The following JARID2 variants were observed in gnomAD, a reference collection of about 807,000 sequenced individuals.
JARID2 encodes jumonji and AT-rich interaction domain containing 2.
JARID2 carries 21 observed loss-of-function variants against 125.6 expected under a neutral mutation model. That is an observed-to-expected ratio of 0.17 (90% CI 0.12 to 0.24). JARID2 has a LOEUF of 0.24. Ranked by LOEUF, JARID2 falls within the 10% of genes least tolerant of loss-of-function variation. JARID2 has a pLI of 1.00. For missense variants in JARID2, 1,303 were observed against 1,639.6 expected (o/e 0.79, Z 3.55); for synonymous variants, 736 against 661.6 (o/e 1.11, Z -1.73).
intron 5 of JARID2, among the ~76,000 whole-genome samples, chr6:15,475,200 G>A (rs944155384): frequency 2.0e-5 from 3 of 152,218 alleles, no homozygotes; most frequent in African/African-American, 7.2e-5. Flanking sequence ...AGTCATCAAA[G>A]GGAGTATTTA....
chr6:15,375,465 C>G (rs1041836246), intron 2 of JARID2, among the ~76,000 whole-genome samples: 4 of 152,114 alleles, frequency 2.6e-5, no homozygotes, highest in Non-Finnish European at 4.4e-5. Context: ...TGGGAAAGGC[C>G]CATTTTGAGT....
intron 3 of JARID2, among the ~76,000 whole-genome samples, chr6:15,433,216 A>T (rs1334487741): frequency 3.3e-5 from 5 of 152,222 alleles, no homozygotes; most frequent in Admixed American, 3.3e-4. Flanking sequence ...AAGAATTTTT[A>T]GGGCCAGGTA....
chr6:15,285,106 GTTTTTTTTTTTT>G (rs199945772), intron 1 of JARID2, among the ~76,000 whole-genome samples: 2 of 119,460 alleles, frequency 1.7e-5, no homozygotes, highest in Non-Finnish European at 3.4e-5. Flanking sequence ...GTCTTTCTGG[GTTTTTTTTTTTT>G]TTTTTTTTTG....
intron 1 of JARID2, among the ~76,000 whole-genome samples, chr6:15,349,480 G>A (rs905604350): frequency 1.3e-5 from 2 of 152,160 alleles, no homozygotes; most frequent in African/African-American, 4.8e-5. Context: ...TTCCAGGATT[G>A]TTCAGTCTGG....
chr6:15,390,941 A>C (rs1465416078), intron 2 of JARID2, among the ~76,000 whole-genome samples: 1 of 152,198 alleles, frequency 6.6e-6, no homozygotes, highest in Non-Finnish European at 1.5e-5. Flanking sequence ...AGAAAATGGG[A>C]TACTAATTTT....
At chr6:15,249,305 C>G (rs1400744424) in intron 1 of JARID2, among the ~76,000 whole-genome samples, 1 of 152,178 alleles carries the variant, frequency 6.6e-6, no homozygotes, top group East Asian at 1.9e-4. Flanking sequence ...GCAACTGTTG[C>G]TCTTTCTGGA....
At position 15,521,810 on chromosome 6, in the gene JARID2, A is replaced by G. The variant is rs1399160186; in HGVS notation, c.*1559A>G. The G allele has an allele frequency of 1.3e-5, 2 of 152,168 alleles. No homozygotes were observed. Among genetic ancestry groups the G allele is most frequent in the South Asian group, 2.1e-4 (1 of 4,826 alleles). 9.4% of individuals were successfully genotyped at this position (152,168 alleles called of 1,614,324 possible). A position where few individuals can be genotyped will look rare whatever the true frequency, so the allele number is the denominator to read the frequency against. Reference sequence around the variant, plus strand: ...TACAGAAACAGTCAAGTGTTTTCCAATGTGGTTGTCCGGTTTCTATGGCCT... The same window carrying G: ...TACAGAAACAGTCAAGTGTTTTCCAGTGTGGTTGTCCGGTTTCTATGGCCT... On this transcript the variant is annotated 3_prime_UTR_variant, in exon 18 of 18. Transcript: ENST00000341776.
rs554426973 is a variant in JARID2 at position 15,498,429 on chromosome 6, CTT to C, written c.1945+1260_1945+1261del. Among the ~76,000 whole-genome samples the C allele has an allele frequency of 5.9e-5, 9 of 152,290 alleles. No homozygotes were observed. In the South Asian group the frequency reaches 1.9e-3, roughly 32 times the overall value. On this transcript the variant is annotated intron_variant, in intron 7 of 17. Coordinates refer to ENST00000341776, the MANE Select transcript of JARID2 (RefSeq NM_004973.4). ...TAGCCCTCCTTCCCTGTCATCCTCTCTTCAGTCCTGCCACTGGGGACACAGGG... is the reference window on the plus strand; with the variant it reads ...TAGCCCTCCTTCCCTGTCATCCTCTCCAGTCCTGCCACTGGGGACACAGGG...
intron 1 of JARID2, among the ~76,000 whole-genome samples, chr6:15,261,733 C>T (rs1359649730): frequency 6.6e-6 from 1 of 151,812 alleles, no homozygotes; most frequent in Non-Finnish European, 1.5e-5. Flanking sequence ...TACTTTTGTA[C>T]TCCCTACTAC....
At chr6:15,345,290 T>C (rs1344695063) in intron 1 of JARID2, among the ~76,000 whole-genome samples, 2 of 152,230 alleles carry the variant, frequency 1.3e-5, no homozygotes, top group Non-Finnish European at 2.9e-5. Flanking sequence ...CCTGAATCTC[T>C]TTTGGAAGTA....
Position 15,433,424 on chromosome 6 carries a change from G to C in JARID2, c.324-18582G>C, listed in dbSNP as rs879566662. On this transcript the variant is annotated intron_variant, in intron 3 of 17. Coordinates refer to ENST00000341776, the MANE Select transcript of JARID2 (RefSeq NM_004973.4). Reference sequence around the variant, plus strand: ...CCCATGTCTCTCTGTGTGTGTGTGTGTGTGTGTGTGTGTGTGTGTGTGTGT... The same window carrying C: ...CCCATGTCTCTCTGTGTGTGTGTGTCTGTGTGTGTGTGTGTGTGTGTGTGT... Among the ~76,000 whole-genome samples the C allele has an allele frequency of 3.6e-3, 524 of 144,322 alleles. 6 individuals carry two copies. Among genetic ancestry groups the C allele is most frequent in the Middle Eastern group, 0.012 (3 of 258 alleles). The allele number at this position is 144,322 out of a possible 152,430, so 94.7% of individuals were successfully genotyped here. A position where few individuals can be genotyped will look rare whatever the true frequency, so the allele number is the denominator to read the frequency against.
chr6:15,254,521 A>G (rs1759578114), intron 1 of JARID2, among the ~76,000 whole-genome samples: 1 of 152,150 alleles, frequency 6.6e-6, no homozygotes, highest in South Asian at 2.1e-4. Context: ...TACTTACATA[A>G]TCATGGGACA....
intron 1 of JARID2, among the ~76,000 whole-genome samples, chr6:15,291,640 C>T (rs1338359333): frequency 6.6e-6 from 1 of 152,224 alleles, no homozygotes; most frequent in Non-Finnish European, 1.5e-5. Context: ...CAGACCCTTC[C>T]AGCCCAGTAG....
At chr6:15,517,097 C>T (rs1771598938) in intron 16 of JARID2, 64 bp from the exon 17 acceptor site, 4 of 1,278,396 alleles carry the variant, frequency 3.1e-6, no homozygotes, top group Middle Eastern at 3.7e-4. Flanking sequence ...GTGCTCCTAC[C>T]TTACCCTCCC....
chr6:15,496,935 G>A lies in JARID2; in HGVS notation c.1710G>A (p.Pro570=), dbSNP rs749672209. The A allele has an allele frequency of 1.9e-5, 31 of 1,604,418 alleles. No homozygotes were observed. The highest frequency in any genetic ancestry group is 1.7e-4 in the Middle Eastern group (1 of 6,034). The change falls in exon 7 of 18, where the codon CCG becomes CCA. Residue 570 remains proline (P), a synonymous_variant. Coordinates refer to ENST00000341776, the MANE Select transcript of JARID2 (RefSeq NM_004973.4). ...LRPSAKEFHD[P]LIYIESVRAQ... Reference sequence around the variant, plus strand: ...CCTCCGCCAAGGAGTTCCACGATCCGCTCATCTACATCGAGTCGGTCCGCG... The same window carrying A: ...CCTCCGCCAAGGAGTTCCACGATCCACTCATCTACATCGAGTCGGTCCGCG...
chr6:15,379,119 A>G (rs1764483377), intron 2 of JARID2, among the ~76,000 whole-genome samples: 1 of 151,916 alleles, frequency 6.6e-6, no homozygotes, highest in South Asian at 2.1e-4. Context: ...CATAAAATCC[A>G]TGTTTGCTAT....
Position 15,348,204 on chromosome 6 carries a change from G to A in JARID2, c.46-25913G>A, listed in dbSNP as rs141988616. Reference sequence around the variant, plus strand: ...CCTCCTGGGTTCAAGCAATTCTCCTGCCTCAGCCTCCCGAATAGCTGGGAT... The same window carrying A: ...CCTCCTGGGTTCAAGCAATTCTCCTACCTCAGCCTCCCGAATAGCTGGGAT... On this transcript the variant is annotated intron_variant, in intron 1 of 17. Transcript: ENST00000341776. 3.7e-4 allele frequency among the ~76,000 whole-genome samples: 56 copies of A among 151,690 alleles called. 2 individuals are homozygous for A. The highest frequency in any genetic ancestry group is 1.4e-3 in the African/African-American group (56 of 41,354).
intron 4 of JARID2, among the ~76,000 whole-genome samples, chr6:15,453,340 T>C (rs938506373): frequency 2.0e-5 from 3 of 152,250 alleles, no homozygotes; most frequent in African/African-American, 7.2e-5. Flanking sequence ...ACAGGTCAAT[T>C]ATTTTTTAGA....
chr6:15,376,263 T>C (rs1764350080), intron 2 of JARID2, among the ~76,000 whole-genome samples: 1 of 152,238 alleles, frequency 6.6e-6, no homozygotes, highest in African/African-American at 2.4e-5. Flanking sequence ...GGCTTCTCTT[T>C]GGGTTGTGAA....
Sources: gnomAD v4.1 joint callset for allele counts (sites outside exome capture counted in the v4.1 genomes callset) on GRCh38, gnomAD v4.1.1 for gene constraint, MANE v1.5 for transcripts, NCBI Gene and HGNC (gene_info 2026-07-23, HGNC 2026-07-21) for gene names.